Variants in ADAMTSL1 observed in about 807,000 individuals in gnomAD.
ADAMTSL1 encodes the protein ADAMTS like 1.
Under a neutral mutation model 201.8 loss-of-function variants are expected in ADAMTSL1, and 126 were observed. The observed-to-expected ratio is 0.62, with a 90% CI of 0.54 to 0.72. The LOEUF is 0.72. Among genes scored for constraint, ADAMTSL1 ranks in the 30% least tolerant of loss-of-function variants. The pLI, the probability that ADAMTSL1 is intolerant of heterozygous loss-of-function variation, is 0.00. For missense variants in ADAMTSL1, 2,679 were observed against 2,277.8 expected (o/e 1.18, Z -3.59); for synonymous variants, 1,121 against 903.4 (o/e 1.24, Z -4.32).
intron 1 of ADAMTSL1, among the ~76,000 whole-genome samples, chr9:18,115,205 T>C (rs1825198785): frequency 6.6e-6 from 1 of 152,184 alleles, no homozygotes; most frequent in Non-Finnish European, 1.5e-5. Flanking sequence ...CACGAAATCC[T>C]ATTGAACATC....
At chr9:18,897,794 TCTC>T (rs1187905761) in intron 26 of ADAMTSL1, among the ~76,000 whole-genome samples, 1 of 152,168 alleles carries the variant, frequency 6.6e-6, no homozygotes, top group African/African-American at 2.4e-5. Context: ...GAGTGCCTCT[TCTC>T]CTCTAAATGA....
At chr9:18,417,363 G>A (rs1818726496) in intron 2 of ADAMTSL1, among the ~76,000 whole-genome samples, 1 of 88,552 alleles carries the variant, frequency 1.1e-5, no homozygotes, top group East Asian at 4.3e-4. Context: ...ACTAAAGTAA[G>A]CAGGAAAAAA....
intron 2 of ADAMTSL1, among the ~76,000 whole-genome samples, chr9:18,254,376 T>TTTTTG (rs1831590451): frequency 8.5e-6 from 1 of 117,742 alleles, no homozygotes; most frequent in Non-Finnish European, 1.7e-5. Flanking sequence ...TTTTTTTTTT[T>TTTTTG]TTTTGAGATG....
At chr9:18,409,383 CAAA>C (rs781106126) in intron 2 of ADAMTSL1, among the ~76,000 whole-genome samples, 977 of 77,162 alleles carry the variant, frequency 0.013, 9 homozygotes, top group African/African-American at 0.039. Context: ...AACTCCGTCT[CAAA>C]AAAAAAAAAA....
intron 2 of ADAMTSL1, among the ~76,000 whole-genome samples, chr9:18,214,653 T>C (rs927196370): frequency 6.6e-6 from 1 of 152,228 alleles, no homozygotes; most frequent in African/African-American, 2.4e-5. Flanking sequence ...TCCATGGTCA[T>C]TTAATGTGAA....
chr9:18,048,564 G>C (rs2131658477), intron 1 of ADAMTSL1, among the ~76,000 whole-genome samples: 1 of 152,258 alleles, frequency 6.6e-6, no homozygotes, highest in East Asian at 1.9e-4. Context: ...TTACTAATCG[G>C]GGAAATTGGG....
intron 23 of ADAMTSL1, among the ~76,000 whole-genome samples, chr9:18,865,830 C>G (rs533421555): frequency 6.6e-6 from 1 of 152,106 alleles, no homozygotes; most frequent in African/African-American, 2.4e-5. Flanking sequence ...CTCACTAACC[C>G]AAGCCCTTTA....
chr9:18,355,032 A>G (rs1179298860), intron 2 of ADAMTSL1, among the ~76,000 whole-genome samples: 1 of 152,054 alleles, frequency 6.6e-6, no homozygotes. Flanking sequence ...GCACCTTAAT[A>G]TTGCCCCTCT....
intron 2 of ADAMTSL1, among the ~76,000 whole-genome samples, chr9:18,215,123 T>G (rs1160930167): frequency 1.3e-5 from 2 of 152,194 alleles, no homozygotes; most frequent in African/African-American, 2.4e-5. Flanking sequence ...TATTGTTACA[T>G]TTTGTATAGC....
rs1827503601 is a variant in ADAMTSL1, at chr9:17,946,726, A to G, written c.87+39804A>G. Reference sequence around the variant, plus strand: ...TCATGCTATTTGAGGAGCTCTCACCATTGAATTATTTCAGTTGCTCCCTTG... The same window carrying G: ...TCATGCTATTTGAGGAGCTCTCACCGTTGAATTATTTCAGTTGCTCCCTTG... On this transcript the variant is annotated intron_variant, in intron 1 of 29. Transcript: ENST00000680146. Among the ~76,000 whole-genome samples, 3 of 152,284 alleles carry G rather than the reference A, an allele frequency of 2.0e-5. No individual in the cohort carries two copies. In the South Asian group the frequency reaches 6.2e-4, roughly 32 times the overall value.
At chr9:18,811,049 G>A (rs10963779) in intron 20 of ADAMTSL1, among the ~76,000 whole-genome samples, 68,711 of 131,678 alleles carry the variant, frequency 0.52, 18,144 homozygotes, top group African/African-American at 0.63. Context: ...ACACCAGCTA[G>A]AAACCTTCTC....
At chr9:18,354,268 A>T (rs1836112195) in intron 2 of ADAMTSL1, among the ~76,000 whole-genome samples, 1 of 151,822 alleles carries the variant, frequency 6.6e-6, no homozygotes, top group Non-Finnish European at 1.5e-5. Flanking sequence ...ATTCTTTTAG[A>T]TATTTGAAAG....
At chr9:18,790,323 T>A (rs1197269859) in intron 19 of ADAMTSL1, among the ~76,000 whole-genome samples, 1 of 152,064 alleles carries the variant, frequency 6.6e-6, no homozygotes, top group South Asian at 2.1e-4. Flanking sequence ...TGGTTCCAAT[T>A]TGGGAAGTCT....
At chr9:18,039,346 AT>A (rs959918609) in intron 1 of ADAMTSL1, among the ~76,000 whole-genome samples, 8 of 151,376 alleles carry the variant, frequency 5.3e-5, no homozygotes, top group South Asian at 2.1e-4. Context: ...ATATTACTGT[AT>A]TTTTTTTTAC....
chr9:18,204,471 T>C (rs978658841), intron 2 of ADAMTSL1, among the ~76,000 whole-genome samples: 2 of 152,274 alleles, frequency 1.3e-5, no homozygotes, highest in African/African-American at 4.8e-5. Flanking sequence ...CTTTCCCTTA[T>C]AAATTACCCA....
At chr9:18,169,202 T>G (rs1269365828) in intron 2 of ADAMTSL1, among the ~76,000 whole-genome samples, 1 of 151,910 alleles carries the variant, frequency 6.6e-6, no homozygotes, top group Non-Finnish European at 1.5e-5. Flanking sequence ...TCCTTGCCCA[T>G]GCCTATGTCC....
At chr9:18,319,387 C>T (rs960102349) in intron 2 of ADAMTSL1, among the ~76,000 whole-genome samples, 6 of 152,080 alleles carry the variant, frequency 3.9e-5, no homozygotes, top group Admixed American at 3.9e-4. Flanking sequence ...GAATTAAATG[C>T]AAAACAGTCT....
chr9:18,268,347 T>C (rs1488853064), intron 2 of ADAMTSL1, among the ~76,000 whole-genome samples: 1 of 152,184 alleles, frequency 6.6e-6, no homozygotes, highest in Non-Finnish European at 1.5e-5. Context: ...CCCTTCTTGT[T>C]AGTTTCTTTC....
chr9:17,999,202 A>G (rs147910224), intron 1 of ADAMTSL1, among the ~76,000 whole-genome samples: 1 of 152,238 alleles, frequency 6.6e-6, no homozygotes, highest in East Asian at 1.9e-4. Context: ...ATATGGCATT[A>G]AACTAGGAGA....
Sources: gnomAD v4.1 joint callset for allele counts (sites outside exome capture counted in the v4.1 genomes callset) on GRCh38, gnomAD v4.1.1 for gene constraint, MANE v1.5 for transcripts, NCBI Gene and HGNC (gene_info 2026-07-23, HGNC 2026-07-21) for gene names.